The following COL3A1 variants were observed in gnomAD, a reference collection of about 807,000 sequenced individuals.
COL3A1 encodes collagen alpha-1(III) chain.
COL3A1 carries 46 observed loss-of-function variants against 200.9 expected under a neutral mutation model. That is an observed-to-expected ratio of 0.23 (90% CI 0.18 to 0.29). COL3A1 has a LOEUF of 0.29. Ranked by LOEUF, COL3A1 falls within the 10% of genes least tolerant of loss-of-function variation. COL3A1 has a pLI of 1.00. For synonymous variants in COL3A1, 650 were observed against 628.0 expected, an observed-to-expected ratio of 1.03 and a Z score of -0.52; for missense variants, 1,367 against 1,917.6, an observed-to-expected ratio of 0.71 and a Z score of 5.36.
intron 47 of COL3A1, 29 bp from the exon 48 acceptor site, chr2:189,008,895 C>T: frequency 6.2e-7 from 1 of 1,609,910 alleles, no homozygotes; most frequent in Middle Eastern, 2.0e-4. Flanking sequence ...ATGTGCATAC[C>T]TCAATGATCC....
chr2:188,987,209 G>A (rs1688081885), intron 5 of COL3A1, 70 bp downstream of exon 5: 2 of 1,256,202 alleles, frequency 1.6e-6, no homozygotes, highest in Admixed American at 1.7e-5. Flanking sequence ...TTGAATGGTT[G>A]CTCTTCTAGG....
intron 21 of COL3A1, 85 bp downstream of exon 21, chr2:188,995,184 T>A: frequency 7.8e-7 from 1 of 1,274,286 alleles, no homozygotes; most frequent in Non-Finnish European, 1.1e-6. Context: ...CATGAAAACC[T>A]AAATATCTGA....
In COL3A1 at chr2:189,010,667, A is replaced by G; in HGVS notation, c.4031A>G (p.Glu1344Gly). Residue 1344 changes from glutamate (E) to glycine (G), a missense_variant, in exon 50 of 51, where the codon GAA becomes GGA. Physicochemically the swap from Glu to Gly is moderately conservative, Grantham distance 98. Transcript: ENST00000304636. ...GGFQFSYGNP[E>G]LPEDVLDVHL... ...TTACAGTTTAGCTACGGCAATCCTGAACTTCCTGAAGATGTCCTTGATGTG... is the reference window on the plus strand; with the variant it reads ...TTACAGTTTAGCTACGGCAATCCTGGACTTCCTGAAGATGTCCTTGATGTG... 1 of 1,614,190 alleles carries G rather than the reference A, an allele frequency of 6.2e-7. No individual in the cohort carries two copies. Among genetic ancestry groups the G allele is most frequent in the Non-Finnish European group, 8.5e-7 (1 of 1,179,994 alleles).
At chr2:188,996,269 T>C (rs1273898640) in intron 23 of COL3A1, 91 bp downstream of exon 23, 1 of 875,270 alleles carries the variant, frequency 1.1e-6, no homozygotes, top group African/African-American at 2.9e-5. Context: ...TGTGTGTGTG[T>C]GTATATATAT....
rs376729110 is a variant in COL3A1, at chr2:188,992,316, CTT to C, written c.996+89_996+90del. 326 of 1,079,146 alleles carry C rather than the reference CTT, an allele frequency of 3.0e-4. 1 individual carries two copies. The East Asian group carries it at 5.8e-3, about 19-fold the overall frequency. 66.8% of individuals were successfully genotyped at this position (1,079,146 alleles called of 1,614,324 possible). A position where few individuals can be genotyped will look rare whatever the true frequency, so the allele number is the denominator to read the frequency against. On this transcript the variant is annotated intron_variant, in intron 14 of 50. Coordinates refer to ENST00000304636, the MANE Select transcript of COL3A1 (RefSeq NM_000090.4). ...TTAATATTTTATATATGTATATACT[CTT>C]AGGTATATATATATGCATATGTATA...
intron 32 of COL3A1, among the ~76,000 whole-genome samples, chr2:189,001,016 A>C (rs1559059331): frequency 6.6e-6 from 1 of 152,238 alleles, no homozygotes; most frequent in Non-Finnish European, 1.5e-5. Context: ...TGAAAAATTT[A>C]ATATGTACAA....
rs141685938 is a variant in COL3A1 at position 188,996,305 on chromosome 2, T to TAC, written c.1663-71_1663-70dup. 0.44 allele frequency: 277,416 copies of TAC among 628,794 alleles called. 31,551 individuals are homozygous for TAC. The highest frequency in any genetic ancestry group is 0.49 in the Admixed American group (19,496 of 39,428). The allele number at this position is 628,794 out of a possible 1,614,324, so 39.0% of individuals were successfully genotyped here. On this transcript the variant is annotated intron_variant, in intron 23 of 50. Coordinates refer to ENST00000304636, the MANE Select transcript of COL3A1 (RefSeq NM_000090.4). Reference sequence around the variant, plus strand: ...ATATGTATATGTATATCTATATATATACACACACACACACACACACACATA... The same window carrying TAC: ...ATATGTATATGTATATCTATATATATACACACACACACACACACACACACATA...
chr2:188,990,145 C>G lies in COL3A1; in HGVS notation c.740C>G (p.Pro247Arg). 6.2e-7 allele frequency: 1 copy of G among 1,613,566 alleles called. No individual in the cohort carries two copies. Among genetic ancestry groups the G allele is most frequent in the East Asian group, 2.2e-5 (1 of 44,866 alleles). ...GRPGERGLPG[P>R]PGIKGPAGIP... ...CCTGGAGAGCGAGGATTGCCTGGACCTCCAGTGAGTCTTCAGCATCTAATA... is the reference window on the plus strand; with the variant it reads ...CCTGGAGAGCGAGGATTGCCTGGACGTCCAGTGAGTCTTCAGCATCTAATA... The change falls in exon 9 of 51, where the codon CCT (proline) becomes CGT (arginine). Residue 247 changes from proline (P) to arginine (R), a missense_variant. By Grantham distance (103) the Pro-to-Arg change is moderately radical. Coordinates refer to ENST00000304636, the MANE Select transcript of COL3A1 (RefSeq NM_000090.4).
chr2:188,997,516 T>A, intron 26 of COL3A1, 127 bp downstream of exon 26: 3 of 1,202,932 alleles, frequency 2.5e-6, no homozygotes, highest in Non-Finnish European at 3.7e-6. Flanking sequence ...TGAAACTTGC[T>A]GACCTAGTTA....
chr2:188,990,871 G>A (rs994502023), intron 10 of COL3A1, 133 bp from the exon 11 acceptor site: 1 of 903,698 alleles, frequency 1.1e-6, no homozygotes. Flanking sequence ...CTTTAAACAA[G>A]TTTTAAATTA....
chr2:188,995,076 C>T lies in COL3A1; in HGVS notation c.1486C>T (p.Pro496Ser). 6.2e-6 allele frequency: 10 copies of T among 1,614,166 alleles called. No individual in the cohort carries two copies. The highest frequency in any genetic ancestry group is 8.5e-6 in the Non-Finnish European group (10 of 1,180,032). ...GAPGFRGPAG[P>S]NGIPGEKGPA... The stretch of plus-strand genomic sequence containing the variant: ...CCCTGGGTTCCGAGGACCTGCTGGA[C>T]CAAATGGCATCCCAGGAGAAAAGGT... Residue 496 changes from proline (P) to serine (S), a missense_variant, in exon 21 of 51, where the codon CCA becomes TCA. Transcript: ENST00000304636.
intron 42 of COL3A1, 42 bp from the exon 43 acceptor site, chr2:189,006,303 G>A: frequency 6.2e-7 from 1 of 1,613,742 alleles, no homozygotes. Context: ...ATCAAAATAA[G>A]TGATCATCAT....
chr2:189,007,039 C>T (rs759401269), intron 44 of COL3A1, 49 bp downstream of exon 44: 25 of 1,489,008 alleles, frequency 1.7e-5, no homozygotes, highest in Non-Finnish European at 2.2e-5. Flanking sequence ...CTTTTTTTAA[C>T]TCATTCTACA....
At position 188,991,069 on chromosome 2, in the gene COL3A1, CA is replaced by C; in HGVS notation, c.852+17del. Reference sequence around the variant, plus strand: ...CTCCTGGATTAAAGGTAAATCACAACAAAAATCATATTTTCATAAGTAAATT... The same window carrying C: ...CTCCTGGATTAAAGGTAAATCACAACAAAATCATATTTTCATAAGTAAATT... On this transcript the variant is annotated intron_variant, in intron 11 of 50. Transcript: ENST00000304636. 1 of 1,610,196 alleles carries C rather than the reference CA, an allele frequency of 6.2e-7. No homozygotes were observed.
At chr2:188,979,289 G>T (rs1687899551) in intron 1 of COL3A1, among the ~76,000 whole-genome samples, 1 of 151,894 alleles carries the variant, frequency 6.6e-6, no homozygotes, top group South Asian at 2.1e-4. Flanking sequence ...CTTTGGAGTT[G>T]CATAGCATGT....
chr2:189,002,759 C>G (rs753331505), intron 35 of COL3A1, among the ~76,000 whole-genome samples, 196 bp from the exon 36 acceptor site: 1 of 152,140 alleles, frequency 6.6e-6, no homozygotes, highest in Non-Finnish European at 1.5e-5. Context: ...ACAGTTTATG[C>G]TTTCTTGGTC....
chr2:188,982,591 C>CT (rs1239397403), intron 1 of COL3A1, among the ~76,000 whole-genome samples: 1 of 151,478 alleles, frequency 6.6e-6, no homozygotes, highest in Admixed American at 6.6e-5. Flanking sequence ...TTTCATAATC[C>CT]ACGTGCTGTA....
Position 188,994,602 on chromosome 2 carries a change from T to C in COL3A1, c.1347+8T>C. The stretch of plus-strand genomic sequence containing the variant: ...GGACCACGTGGTGAACGCGTAAGTT[T>C]TACTGCAACAGATCTGGTTATTTCT... On this transcript the variant is annotated splice_region_variant and intron_variant, in intron 19 of 50. Transcript: ENST00000304636. This position sits in a 1 kb window ranked among gnomAD's most constrained non-coding sequence, Gnocchi z 4.5. 6.2e-6 allele frequency: 10 copies of C among 1,614,144 alleles called. No homozygotes were observed. Among genetic ancestry groups the C allele is most frequent in the East Asian group, 4.5e-5 (2 of 44,882 alleles).
chr2:189,000,986 A>G (rs147037558), intron 32 of COL3A1, among the ~76,000 whole-genome samples: 51 of 152,332 alleles, frequency 3.3e-4, no homozygotes, highest in African/African-American at 1.2e-3. Context: ...AAGTAAAACT[A>G]CTATTTGAAA....
Sources: gnomAD v4.1 joint callset for allele counts (sites outside exome capture counted in the v4.1 genomes callset) on GRCh38, gnomAD v4.1.1 for gene constraint, Gnocchi (gnomAD v3.1) non-coding constraint, MANE v1.5 for transcripts, NCBI Gene and HGNC (gene_info 2026-07-23, HGNC 2026-07-21) for gene names.